Variants in RARB observed in about 807,000 individuals in gnomAD.
RARB encodes retinoic acid receptor beta.
A neutral mutation model predicts 51.9 loss-of-function variants in RARB; 17 were observed. That is an observed-to-expected ratio of 0.33 (90% confidence interval 0.22 to 0.49). The LOEUF is 0.49. RARB is among the 20% of genes least tolerant of loss of function. RARB has a pLI of 0.99. For synonymous variants in RARB, 215 were observed against 195.4 expected, an observed-to-expected ratio of 1.10 and a Z score of -0.84; for missense variants, 369 against 550.8, an observed-to-expected ratio of 0.67 and a Z score of 3.30.
chr3:25,078,531 T>C (rs1276249766), intron 3 of RARB, among the ~76,000 whole-genome samples: 1 of 71,052 alleles, frequency 1.4e-5, no homozygotes, highest in Non-Finnish European at 2.7e-5. Context: ...CCTCCAACTT[T>C]CTATTTTTTT....
intron 2 of RARB, among the ~76,000 whole-genome samples, chr3:25,058,737 G>C (rs1286959169): frequency 2.6e-5 from 4 of 151,502 alleles, no homozygotes; most frequent in Non-Finnish European, 5.9e-5. Flanking sequence ...AATTGATTAT[G>C]CAATTGATCA....
At chr3:25,398,587 A>T (rs1372500707) in intron 5 of RARB, among the ~76,000 whole-genome samples, 2 of 152,212 alleles carry the variant, frequency 1.3e-5, no homozygotes, top group African/African-American at 4.8e-5. Flanking sequence ...AGATACACTG[A>T]TAATTCCAAG....
chr3:25,009,305 A>G (rs376871313), intron 2 of RARB, among the ~76,000 whole-genome samples: 3 of 152,188 alleles, frequency 2.0e-5, no homozygotes, highest in African/African-American at 7.2e-5. Flanking sequence ...TGACTTAGTT[A>G]ATGAAGCAGT....
intron 5 of RARB, among the ~76,000 whole-genome samples, chr3:25,282,087 T>C (rs1242199696): frequency 6.6e-6 from 1 of 152,182 alleles, no homozygotes; most frequent in Admixed American, 6.5e-5. Context: ...TCAGCCCTAG[T>C]TTAGTAAAGG....
At chr3:25,211,337 G>C (rs1701691616) in intron 5 of RARB, among the ~76,000 whole-genome samples, 1 of 152,158 alleles carries the variant, frequency 6.6e-6, no homozygotes, top group South Asian at 2.1e-4. Flanking sequence ...GATTAGTATA[G>C]ATTTGAGCCA....
chr3:25,243,110 G>A (rs1156514810), intron 5 of RARB, among the ~76,000 whole-genome samples: 1 of 152,100 alleles, frequency 6.6e-6, no homozygotes, highest in Non-Finnish European at 1.5e-5. Context: ...CTCCCTGTTT[G>A]TCTATAATTG....
chr3:25,300,114 T>G (rs138559364), intron 5 of RARB, among the ~76,000 whole-genome samples: 52 of 152,354 alleles, frequency 3.4e-4, no homozygotes, highest in African/African-American at 1.2e-3. Context: ...ATGAAATAAT[T>G]TGAGAACCAC....
chr3:24,947,591 A>G (rs2125403884), intron 2 of RARB, among the ~76,000 whole-genome samples: 1 of 152,328 alleles, frequency 6.6e-6, no homozygotes, highest in Admixed American at 6.5e-5. Context: ...TGCAGCTGCA[A>G]GGAAGGCTCG....
At chr3:24,932,201 C>T (rs1695455488) in intron 2 of RARB, among the ~76,000 whole-genome samples, 1 of 152,020 alleles carries the variant, frequency 6.6e-6, no homozygotes, top group Non-Finnish European at 1.5e-5. Flanking sequence ...TACTTGGAGG[C>T]ATGTCCTTGA....
chr3:24,955,005 C>T (rs1695979319), intron 2 of RARB, among the ~76,000 whole-genome samples: 1 of 152,106 alleles, frequency 6.6e-6, no homozygotes, highest in Non-Finnish European at 1.5e-5. Context: ...TTAACCAGCT[C>T]AATGGAGAGT....
At chr3:25,273,294 A>G (rs1575275228) in intron 5 of RARB, among the ~76,000 whole-genome samples, 2 of 152,182 alleles carry the variant, frequency 1.3e-5, no homozygotes, top group South Asian at 4.1e-4. Flanking sequence ...GCTTTCTTTT[A>G]CATCTCAAGT....
intron 3 of RARB, among the ~76,000 whole-genome samples, chr3:25,080,271 T>A (rs1406541282): frequency 2.0e-5 from 3 of 152,246 alleles, no homozygotes. Flanking sequence ...CTTTATTTCT[T>A]CTCATTGATG....
chr3:24,955,503 C>T (rs1695994495), intron 2 of RARB, among the ~76,000 whole-genome samples: 1 of 152,202 alleles, frequency 6.6e-6, no homozygotes, highest in Non-Finnish European at 1.5e-5. Flanking sequence ...CCAGTATTTT[C>T]CTCCCTCCTG....
At chr3:25,325,187 T>C (rs1385096425) in intron 5 of RARB, among the ~76,000 whole-genome samples, 3 of 152,124 alleles carry the variant, frequency 2.0e-5, no homozygotes, top group Non-Finnish European at 4.4e-5. Context: ...AACCATATAG[T>C]GTAGCTTCCT....
chr3:25,523,521 A>G (rs1242373023), intron 3 of RARB, among the ~76,000 whole-genome samples: 1 of 152,212 alleles, frequency 6.6e-6, no homozygotes, highest in African/African-American at 2.4e-5. Context: ...TGCTGGAAAT[A>G]GAACCTGGCT....
intron 5 of RARB, among the ~76,000 whole-genome samples, chr3:25,581,508 T>TAG (rs1701176613): frequency 6.6e-6 from 1 of 152,140 alleles, no homozygotes; most frequent in African/African-American, 2.4e-5. Flanking sequence ...TTTAAGGCTC[T>TAG]AGAAGCAGTA....
chr3:24,836,966 C>T (rs1213981414), intron 1 of RARB, among the ~76,000 whole-genome samples: 1 of 152,182 alleles, frequency 6.6e-6, no homozygotes, highest in Non-Finnish European at 1.5e-5. Flanking sequence ...CATCAATAAA[C>T]AGGAAGGCAA....
At chr3:24,876,657 C>G (rs184181643) in intron 2 of RARB, among the ~76,000 whole-genome samples, 1 of 152,100 alleles carries the variant, frequency 6.6e-6, no homozygotes, top group African/African-American at 2.4e-5. Flanking sequence ...ATAAACCAGT[C>G]TGTCTTCTAA....
intron 3 of RARB, among the ~76,000 whole-genome samples, chr3:25,106,806 T>C (rs559106427): frequency 3.4e-4 from 52 of 152,246 alleles, no homozygotes; most frequent in African/African-American, 1.2e-3. Flanking sequence ...AGAACAATTA[T>C]ACTGTGATTC....
Sources: allele counts gnomAD v4.1 joint callset (sites outside exome capture counted in the v4.1 genomes callset), GRCh38; gene constraint gnomAD v4.1.1; transcripts MANE v1.5; gene names NCBI Gene and HGNC (gene_info 2026-07-23, HGNC 2026-07-21).